Variants in ZNF596 observed in about 807,000 individuals in gnomAD.
ZNF596 encodes zinc finger protein 596.
A neutral mutation model predicts 48.3 loss-of-function variants in ZNF596; 45 were observed. That is an observed-to-expected ratio of 0.93 (90% CI 0.73 to 1.19). The LOEUF (loss-of-function observed/expected upper bound fraction) is 1.19. ZNF596 is among the 50% of genes most tolerant of loss of function. The pLI, the probability that ZNF596 is intolerant of heterozygous loss-of-function variation, is 0.00. For synonymous variants in ZNF596, 270 were observed against 202.0 expected (o/e 1.34, Z -2.85); for missense variants, 848 against 599.7 (o/e 1.41, Z -4.32).
At chr8:242,087 C>T (rs1214448341) in intron 2 of ZNF596, among the ~76,000 whole-genome samples, 1 of 152,230 alleles carries the variant, frequency 6.6e-6, no homozygotes, top group East Asian at 1.9e-4. Context: ...GGACACAGAG[C>T]CAAACTATAT....
intron 3 of ZNF596, 153 bp downstream of exon 3, chr8:243,166 T>A: frequency 1.8e-6 from 1 of 564,948 alleles, no homozygotes; most frequent in Non-Finnish European, 2.8e-6. Context: ...CTCTCACAAT[T>A]ACCTGACAGC....
In ZNF596 at chr8:238,628, C is replaced by CAAAAA. The variant is rs1167168569; in HGVS notation, c.-72-2171_-72-2167dup. 9.3e-3 allele frequency among the ~76,000 whole-genome samples: 372 copies of CAAAAA among 39,836 alleles called. 15 individuals carry two copies. The highest frequency in any genetic ancestry group is 0.021 in the African/African-American group (343 of 16,602). 26.1% of individuals were successfully genotyped at this position (39,836 alleles called of 152,430 possible). On this transcript the variant is annotated intron_variant, in intron 1 of 5. Transcript: ENST00000398612. Reference sequence around the variant, plus strand: ...TCAGCTTTGCCAACATGGTGAAATACAAAAAAAAAAAAAAAAAAAAAAAAA... The same window carrying CAAAAA: ...TCAGCTTTGCCAACATGGTGAAATACAAAAAAAAAAAAAAAAAAAAAAAAAAAAAA...
intron 1 of ZNF596, chr8:232,934 T>C (rs2906325): frequency 0.24 from 109,355 of 459,872 alleles, 13,510 homozygotes; most frequent in African/African-American, 0.38. Flanking sequence ...CTCGTGCTTC[T>C]GCACAATCGC....
rs1225074797 is a variant in ZNF596, at chr8:246,756, C to T, written c.*394C>T. On this transcript the variant is annotated 3_prime_UTR_variant, in exon 6 of 6. Transcript: ENST00000398612. ...CAACCATATGTCTGTAATTGCTGTG[C>T]ACTCTCATTCAGCTAAGCACCAATT... is the stretch of plus-strand genomic sequence containing the variant. 1 of 167,038 alleles carries T rather than the reference C, an allele frequency of 6.0e-6. No individual in the cohort carries two copies. Among genetic ancestry groups the T allele is most frequent in the African/African-American group, 2.4e-5 (1 of 41,774 alleles). 10.3% of individuals were successfully genotyped at this position (167,038 alleles called of 1,614,324 possible).
In ZNF596 at chr8:241,135, G is replaced by A. The variant is rs1014837219; in HGVS notation, c.12+228G>A. On this transcript the variant is annotated intron_variant, in intron 2 of 5. Transcript: ENST00000398612. ...AGCCTCTACTAAGGCTGTGTATTAA[G>A]ATGTGAGAGGTTTTTGTTTCTCTCA... is the stretch of plus-strand genomic sequence containing the variant. Among the ~76,000 whole-genome samples the A allele has an allele frequency of 3.9e-5, 6 of 151,992 alleles. No individual in the cohort carries two copies. In the South Asian group the frequency reaches 8.3e-4, roughly 21 times the overall value.
At chr8:239,045 A>C (rs1369997876) in intron 1 of ZNF596, among the ~76,000 whole-genome samples, 2 of 152,186 alleles carry the variant, frequency 1.3e-5, no homozygotes, top group Non-Finnish European at 2.9e-5. Context: ...TCAAGAGCTG[A>C]CTTGATCAAG....
At chr8:242,848 G>C (rs370876643) in intron 2 of ZNF596, 39 bp from the exon 3 acceptor site, 11 of 1,445,870 alleles carry the variant, frequency 7.6e-6, no homozygotes, top group African/African-American at 2.8e-5. Flanking sequence ...CATTGGCAGA[G>C]ATAGCCCTGT....
rs957640719 is a variant in ZNF596 at position 245,460 on chromosome 8, A to G, written c.613A>G (p.Ser205Gly). Residue 205 changes from serine to glycine, a missense_variant, in exon 6 of 6, where the codon AGC becomes GGC. Ser to Gly is a moderately conservative substitution (Grantham distance 56). Transcript: ENST00000398612. ...ATGTCGTGTGTGTGGGAAAACCTTT[A>G]GCAAAAATTCTAATCTTAGGCGACA... ...LECRVCGKTF[S>G]KNSNLRRHEM... 1 of 1,614,102 alleles carries G rather than the reference A, an allele frequency of 6.2e-7. No individual in the cohort carries two copies.
At position 247,315 on chromosome 8, in the gene ZNF596, G is replaced by C. The variant is rs753530795; in HGVS notation, c.*953G>C. The C allele has an allele frequency of 6.6e-6, 1 of 152,186 alleles. No individual in the cohort carries two copies. Among genetic ancestry groups the C allele is most frequent in the Non-Finnish European group, 1.5e-5 (1 of 68,036 alleles). The allele number at this position is 152,186 out of a possible 1,614,324, so 9.4% of individuals were successfully genotyped here. A position where few individuals can be genotyped will look rare whatever the true frequency, so the allele number is the denominator to read the frequency against. On this transcript the variant is annotated 3_prime_UTR_variant, in exon 6 of 6. Transcript: ENST00000398612. ...TGCAGAATTATGTAAGAAGTAATAA[G>C]ATTAAATTAGTACTGTCAAAAATAC...
Position 242,986 on chromosome 8 carries a change from G to C in ZNF596, c.112G>C (p.Glu38Gln). The change falls in exon 3 of 6, where the codon GAG becomes CAG. Residue 38 changes from glutamate (E) to glutamine (Q), a missense_variant. Transcript: ENST00000398612. ...AAAGCTGTTTCAAGATGTGATGTTG[G>C]AGAACATCAGTCATCTGGTCTCTAT... The part of the protein sequence containing the change: ...QRKLFQDVML[E>Q]NISHLVSIGK... 2 of 1,611,844 alleles carry C rather than the reference G, an allele frequency of 1.2e-6. No individual in the cohort carries two copies. The highest frequency in any genetic ancestry group is 1.7e-6 in the Non-Finnish European group (2 of 1,178,344).
chr8:238,866 G>T lies in ZNF596; in HGVS notation c.-72-1958G>T, dbSNP rs987456034. Among the ~76,000 whole-genome samples the T allele has an allele frequency of 2.0e-5, 3 of 149,828 alleles. No individual in the cohort carries two copies. The South Asian group carries it at 6.4e-4, about 32-fold the overall frequency. Reference sequence around the variant, plus strand: ...TTCCTGATAAGAATTACAGGTAATTGCCTTAAAGGAGGTCAATGAGCTATG... The same window carrying T: ...TTCCTGATAAGAATTACAGGTAATTTCCTTAAAGGAGGTCAATGAGCTATG... On this transcript the variant is annotated intron_variant, in intron 1 of 5. Coordinates refer to ENST00000398612, the MANE Select transcript of ZNF596 (RefSeq NM_001042416.3).
chr8:245,933 A>G lies in ZNF596; in HGVS notation c.1086A>G (p.Pro362=). 6.2e-7 allele frequency: 1 copy of G among 1,614,152 alleles called. No individual in the cohort carries two copies. The highest frequency in any genetic ancestry group is 8.5e-7 in the Non-Finnish European group (1 of 1,180,028). Residue 362 remains proline (P), a synonymous_variant, in exon 6 of 6, where the codon CCA becomes CCG. Transcript: ENST00000398612. ...QHERSHNGEK[P]HGCHLCGKAF... ...AGCGAAGTCACAATGGAGAGAAACC[A>G]CATGGATGTCATCTATGTGGGAAAG...
intron 1 of ZNF596, among the ~76,000 whole-genome samples, chr8:239,678 T>G (rs141157114): frequency 3.3e-5 from 5 of 152,290 alleles, no homozygotes; most frequent in African/African-American, 9.6e-5. Context: ...CTCCAAGCAG[T>G]TGGGGGGTAC....
Position 239,945 on chromosome 8 carries a change from T to A in ZNF596, c.-72-879T>A, listed in dbSNP as rs182865824. On this transcript the variant is annotated intron_variant, in intron 1 of 5. Transcript: ENST00000398612. ...CTCATTAGAACAGAAGACACTCTTA[T>A]CACCTATGAAGTTCCAAGGCATTAC... Among the ~76,000 whole-genome samples, 34 of 152,268 alleles carry A rather than the reference T, an allele frequency of 2.2e-4. 1 individual carries two copies. The highest frequency in any genetic ancestry group is 1.8e-3 in the Admixed American group (28 of 15,302).
chr8:233,882 G>T (rs1287457996), intron 1 of ZNF596, among the ~76,000 whole-genome samples: 1 of 152,170 alleles, frequency 6.6e-6, no homozygotes, highest in Non-Finnish European at 1.5e-5. Context: ...AGGGGGCAGG[G>T]ATGTTAAGGG....
chr8:232,830 C>G (rs1032856353), intron 1 of ZNF596, 136 bp downstream of exon 1: 3 of 441,796 alleles, frequency 6.8e-6, no homozygotes, highest in Admixed American at 2.5e-5. Flanking sequence ...CCAGGCCCTA[C>G]GTCTCCGCAA....
chr8:243,937 G>C lies in ZNF596; in HGVS notation c.223+132G>C. On this transcript the variant is annotated intron_variant, in intron 4 of 5. Coordinates refer to ENST00000398612, the MANE Select transcript of ZNF596 (RefSeq NM_001042416.3). ...GAATCTCACTCTGTCACCCAGGCTG[G>C]AGTGCAGTGGCGTGATCTCGGCTCA... The C allele has an allele frequency of 4.4e-6, 3 of 682,460 alleles. No individual in the cohort carries two copies. In the South Asian group the frequency reaches 5.3e-5, roughly 12 times the overall value. The allele number at this position is 682,460 out of a possible 1,614,324, so 42.3% of individuals were successfully genotyped here. A position where few individuals can be genotyped will look rare whatever the true frequency, so the allele number is the denominator to read the frequency against.
Position 232,580 on chromosome 8 carries a change from C to T in ZNF596, c.-187C>T, listed in dbSNP as rs114199088. On this transcript the variant is annotated 5_prime_UTR_variant, in exon 1 of 6. Transcript: ENST00000398612. ...CGCCCGGAAATGCTCCGAAGCCTGT[C>T]GCCCAGCTGCCAGATCTGCGTCTGT... 2,664 of 319,736 alleles carry T rather than the reference C, an allele frequency of 8.3e-3. 60 individuals carry two copies. The highest frequency in any genetic ancestry group is 0.057 in the African/African-American group (2,530 of 44,032). 19.8% of individuals were successfully genotyped at this position (319,736 alleles called of 1,614,324 possible). A position where few individuals can be genotyped will look rare whatever the true frequency, so the allele number is the denominator to read the frequency against.
chr8:246,331 G>T lies in ZNF596; in HGVS notation c.1484G>T (p.Arg495Ile). 1 of 1,593,642 alleles carries T rather than the reference G, an allele frequency of 6.3e-7. No homozygotes were observed. The highest frequency in any genetic ancestry group is 1.1e-5 in the South Asian group (1 of 87,196). ...TTTTTTAACCTTAGACAACATGAGA[G>T]AACTCACACTAAAAAAGCAATGAAT... The part of the protein sequence containing the change: ...SKFFNLRQHE[R>I]THTKKAMNM The change falls in exon 6 of 6, where the codon AGA becomes ATA. Residue 495 changes from arginine to isoleucine, a missense_variant. Transcript: ENST00000398612.
Sources: gnomAD v4.1 joint callset for allele counts (sites outside exome capture counted in the v4.1 genomes callset) on GRCh38, gnomAD v4.1.1 for gene constraint, MANE v1.5 for transcripts, NCBI Gene and HGNC (gene_info 2026-07-23, HGNC 2026-07-21) for gene names.